The following GRIN2A variants were observed in gnomAD, a reference collection of about 807,000 sequenced individuals.
GRIN2A encodes the protein glutamate receptor ionotropic, NMDA 2A.
A neutral mutation model predicts 113.4 loss-of-function variants in GRIN2A; 22 were observed. That is an observed-to-expected ratio of 0.19 (90% CI 0.14 to 0.28). GRIN2A has a LOEUF of 0.28. Ranked by LOEUF, GRIN2A falls within the 10% of genes least tolerant of loss-of-function variation. The probability of loss-of-function intolerance (pLI) is 1.00; values close to 1 mark genes in which losing one functional copy is unlikely to be tolerated. For missense variants in GRIN2A, 1,502 were observed against 1,887.0 expected (o/e 0.80, Z 3.78); for synonymous variants, 827 against 738.4 (o/e 1.12, Z -1.94).
chr16:9,983,667 C>A (rs931979982), intron 2 of GRIN2A, among the ~76,000 whole-genome samples: 9 of 152,134 alleles, frequency 5.9e-5, no homozygotes, highest in Non-Finnish European at 7.3e-5. Context: ...TCTCTATCTC[C>A]TCACCTTGTG....
At chr16:10,136,768 C>G (rs1051305905) in intron 2 of GRIN2A, among the ~76,000 whole-genome samples, 1 of 152,086 alleles carries the variant, frequency 6.6e-6, no homozygotes, top group African/African-American at 2.4e-5. Flanking sequence ...GACCTTGGGC[C>G]TCACGACTGT....
chr16:10,089,331 T>G (rs2048141804), intron 2 of GRIN2A, among the ~76,000 whole-genome samples: 2 of 152,214 alleles, frequency 1.3e-5, no homozygotes. Context: ...GATGTATGCA[T>G]ATGTCTAGAT....
chr16:9,924,129 A>AAAC (rs1555453707), intron 3 of GRIN2A, among the ~76,000 whole-genome samples: 39 of 132,786 alleles, frequency 2.9e-4, no homozygotes, highest in African/African-American at 7.8e-4. Context: ...AAAAAAAAAA[A>AAAC]AAAAAAAAAA....
intron 2 of GRIN2A, among the ~76,000 whole-genome samples, chr16:9,974,291 G>T (rs1441850715): frequency 2.6e-5 from 4 of 152,260 alleles, no homozygotes; most frequent in South Asian, 2.1e-4. Context: ...CCGAAATCAG[G>T]CCTGGGCCTG....
At chr16:9,866,125 C>G (rs1197345072) in intron 4 of GRIN2A, among the ~76,000 whole-genome samples, 1 of 152,194 alleles carries the variant, frequency 6.6e-6, no homozygotes, top group Non-Finnish European at 1.5e-5. Flanking sequence ...AGGATCCACT[C>G]ACCAGTGAGG....
intron 3 of GRIN2A, among the ~76,000 whole-genome samples, chr16:9,915,762 T>C (rs372868813): frequency 2.0e-5 from 3 of 152,248 alleles, no homozygotes; most frequent in Admixed American, 1.3e-4. Flanking sequence ...TTGCTACTTA[T>C]ATAAACTAGT....
In GRIN2A at chr16:10,099,689, G is replaced by T. The variant is rs1480142836; in HGVS notation, c.414+80309C>A. 3.9e-5 allele frequency among the ~76,000 whole-genome samples: 6 copies of T among 152,156 alleles called. No homozygotes were observed. In the South Asian group the frequency reaches 8.3e-4, roughly 21 times the overall value. On this transcript the variant is annotated intron_variant, in intron 2 of 12. Coordinates refer to ENST00000330684, the MANE Select transcript of GRIN2A (RefSeq NM_001134407.3). ...TTACTGGAGTCAGAAACAGAATAAA[G>T]GTAACTCACTTCAAAGGCTAGATTC...
chr16:10,135,515 G>A (rs1070479), intron 2 of GRIN2A, among the ~76,000 whole-genome samples: 130,576 of 152,190 alleles, frequency 0.86, 56,454 homozygotes, highest in East Asian at 1. Context: ...CAATTCCAAG[G>A]CCACTGCCAC....
chr16:9,835,987 C>T (rs964042229), intron 7 of GRIN2A, among the ~76,000 whole-genome samples: 2 of 152,140 alleles, frequency 1.3e-5, no homozygotes, highest in Non-Finnish European at 2.9e-5. Flanking sequence ...GAAACTGCAA[C>T]TGAAATTTAT....
chr16:9,833,806 G>A (rs1037598695), intron 8 of GRIN2A, among the ~76,000 whole-genome samples: 1 of 152,112 alleles, frequency 6.6e-6, no homozygotes, highest in South Asian at 2.1e-4. Flanking sequence ...TGCAACCTCT[G>A]CCTCCTGGTT....
intron 2 of GRIN2A, among the ~76,000 whole-genome samples, chr16:10,132,362 G>A (rs929170356): frequency 6.6e-5 from 6 of 91,274 alleles, no homozygotes; most frequent in Non-Finnish European, 1.5e-4. Flanking sequence ...AAAAAAAGAT[G>A]TGAAATAACT....
intron 4 of GRIN2A, among the ~76,000 whole-genome samples, chr16:9,852,888 A>G (rs540817181): frequency 6.6e-6 from 1 of 152,354 alleles, no homozygotes; most frequent in Admixed American, 6.5e-5. Flanking sequence ...CTAGGTTCCA[A>G]GCACTGTGCT....
chr16:9,766,712 A>G (rs921206860), intron 12 of GRIN2A, among the ~76,000 whole-genome samples: 4 of 151,990 alleles, frequency 2.6e-5, no homozygotes, highest in African/African-American at 7.3e-5. Flanking sequence ...ACAGAGGGAG[A>G]CTCCATCTCA....
chr16:9,960,429 T>G (rs2045414976), intron 2 of GRIN2A, among the ~76,000 whole-genome samples: 1 of 152,206 alleles, frequency 6.6e-6, no homozygotes, highest in Admixed American at 6.5e-5. Context: ...CCTTTACATT[T>G]TCTTGCTTCT....
In GRIN2A at chr16:9,971,008, G is replaced by C. The variant is rs959388409; in HGVS notation, c.415-32457C>G. ...GATAGTCATTTGAGAGGCAAGACTG[G>C]GGGGAAGGGGAGAGGCTAGAAGGCT... On this transcript the variant is annotated intron_variant, in intron 2 of 12. Coordinates refer to ENST00000330684, the MANE Select transcript of GRIN2A (RefSeq NM_001134407.3). Among the ~76,000 whole-genome samples, 6 of 151,712 alleles carry C rather than the reference G, an allele frequency of 4.0e-5. No homozygotes were observed. In the East Asian group the frequency reaches 9.7e-4, roughly 24 times the overall value.
chr16:10,033,648 C>T (rs1187174154), intron 2 of GRIN2A: 1 of 152,264 alleles, frequency 6.6e-6, no homozygotes, highest in African/African-American at 2.4e-5. Context: ...CTATGCCTTT[C>T]TGGAACCCAG....
intron 3 of GRIN2A, 73 bp from the exon 4 acceptor site, chr16:9,891,173 C>A: frequency 1.2e-6 from 1 of 844,578 alleles, no homozygotes. Flanking sequence ...GTGGATGCCA[C>A]CATTAATGGA....
At chr16:9,943,978 T>C (rs1222248929) in intron 2 of GRIN2A, among the ~76,000 whole-genome samples, 1 of 152,130 alleles carries the variant, frequency 6.6e-6, no homozygotes, top group African/African-American at 2.4e-5. Flanking sequence ...CCAAGTACAA[T>C]GTCTGACACA....
rs1483774932 is a variant in GRIN2A at position 10,036,462 on chromosome 16, T to C, written c.415-97911A>G. On this transcript the variant is annotated intron_variant, in intron 2 of 12. Transcript: ENST00000330684. Reference sequence around the variant, plus strand: ...CTTTTTTTTTTTCTTTTTTTTTTTTTTTTTTTTTTTTTTTGAGATGGATTC... The same window carrying C: ...CTTTTTTTTTTTCTTTTTTTTTTTTCTTTTTTTTTTTTTTGAGATGGATTC... Among the ~76,000 whole-genome samples, 31 of 70,522 alleles carry C rather than the reference T, an allele frequency of 4.4e-4. No homozygotes were observed. In the South Asian group the frequency reaches 9.0e-3, roughly 20 times the overall value. 46.3% of individuals were successfully genotyped at this position (70,522 alleles called of 152,430 possible). A position where few individuals can be genotyped will look rare whatever the true frequency, so the allele number is the denominator to read the frequency against.
Sources: gnomAD v4.1 joint callset for allele counts (sites outside exome capture counted in the v4.1 genomes callset) on GRCh38, gnomAD v4.1.1 for gene constraint, MANE v1.5 for transcripts, NCBI Gene and HGNC (gene_info 2026-07-23, HGNC 2026-07-21) for gene names.